The following IPO11 variants were observed in gnomAD, a reference collection of about 807,000 sequenced individuals.
IPO11 encodes the protein importin-11.
A neutral mutation model predicts 143.2 loss-of-function variants in IPO11; 66 were observed. The ratio of observed to expected loss-of-function variants is 0.46; its 90% confidence interval spans 0.38 to 0.57. The LOEUF (loss-of-function observed/expected upper bound fraction) is 0.57, where lower values mean the gene tolerates loss of function less well. IPO11 is among the 20% of genes least tolerant of loss of function. The pLI is 0.00. For missense variants in IPO11, 1,026 were observed against 1,141.0 expected (o/e 0.90, Z 1.45); for synonymous variants, 385 against 377.8 (o/e 1.02, Z -0.22).
intron 29 of IPO11, among the ~76,000 whole-genome samples, chr5:62,623,671 A>G (rs1359251879): frequency 3.0e-5 from 4 of 132,184 alleles, no homozygotes; most frequent in African/African-American, 1.2e-4. Flanking sequence ...TTTAAGACAG[A>G]GTTTTGCTCT....
intron 1 of IPO11, among the ~76,000 whole-genome samples, chr5:62,423,082 A>G: frequency 6.6e-6 from 1 of 152,172 alleles, no homozygotes; most frequent in Admixed American, 6.5e-5. Context: ...TGTTGGCTTG[A>G]TATGCTCCAT....
chr5:62,461,540 G>A (rs1414895488), intron 5 of IPO11, among the ~76,000 whole-genome samples: 2 of 152,212 alleles, frequency 1.3e-5, no homozygotes, highest in Non-Finnish European at 2.9e-5. Flanking sequence ...AGATAGTGCC[G>A]TTGCTTCTTC....
At chr5:62,515,550 A>G (rs748801073) in intron 20 of IPO11, 49 bp downstream of exon 20, 3 of 1,236,688 alleles carry the variant, frequency 2.4e-6, no homozygotes, top group South Asian at 3.2e-5. Context: ...TTTTTAAAAA[A>G]TTCTTTTAAC....
At chr5:62,466,297 G>T (rs1745572862) in intron 5 of IPO11, among the ~76,000 whole-genome samples, 1 of 152,060 alleles carries the variant, frequency 6.6e-6, no homozygotes, top group Admixed American at 6.5e-5. Flanking sequence ...ACTAACAAAT[G>T]GAAATTTGAT....
chr5:62,484,802 G>C (rs2112226443), intron 11 of IPO11, among the ~76,000 whole-genome samples: 2 of 151,240 alleles, frequency 1.3e-5, no homozygotes, highest in Middle Eastern at 6.9e-3. Context: ...GTGCCCAAAA[G>C]TTTTTGTAAT....
intron 18 of IPO11, among the ~76,000 whole-genome samples, chr5:62,505,694 G>T (rs1470349056): frequency 3.3e-5 from 5 of 151,962 alleles, no homozygotes. Flanking sequence ...GCCAGACATA[G>T]GGTATTTGTT....
At chr5:62,563,175 C>T (rs865778581) in intron 27 of IPO11, among the ~76,000 whole-genome samples, 5 of 152,116 alleles carry the variant, frequency 3.3e-5, no homozygotes, top group African/African-American at 1.2e-4. Flanking sequence ...CATTTTAACT[C>T]ATTGGTGTTT....
At position 62,628,042 on chromosome 5, in the gene IPO11, CTG is replaced by C. The variant is rs1381555462; in HGVS notation, c.*725_*726del. 6.6e-6 allele frequency: 1 copy of C among 151,808 alleles called. No homozygotes were observed. The highest frequency in any genetic ancestry group is 1.5e-5 in the Non-Finnish European group (1 of 67,978). The allele number at this position is 151,808 out of a possible 1,614,324, so 9.4% of individuals were successfully genotyped here. On this transcript the variant is annotated 3_prime_UTR_variant, in exon 30 of 30. Coordinates refer to ENST00000325324, the MANE Select transcript of IPO11 (RefSeq NM_016338.5). ...TACTGTAGTACCACGTGGGAGACCTCTGGTTATGGTTTAGTCCTAGTTCCTTT... is the reference window on the plus strand; with the variant it reads ...TACTGTAGTACCACGTGGGAGACCTCGTTATGGTTTAGTCCTAGTTCCTTT...
chr5:62,579,049 A>G, intron 27 of IPO11: 1 of 239,726 alleles, frequency 4.2e-6, no homozygotes, highest in South Asian at 4.8e-5. Context: ...CATAAATTAT[A>G]ATGTTATTTG....
At chr5:62,447,836 C>T (rs1472285543) in intron 3 of IPO11, among the ~76,000 whole-genome samples, 1 of 152,102 alleles carries the variant, frequency 6.6e-6, no homozygotes, top group African/African-American at 2.4e-5. Flanking sequence ...GTCCAACTCT[C>T]TTGGCCTCCC....
At chr5:62,461,412 C>G (rs2112180888) in intron 5 of IPO11, among the ~76,000 whole-genome samples, 1 of 152,216 alleles carries the variant, frequency 6.6e-6, no homozygotes, top group Non-Finnish European at 1.5e-5. Context: ...AGATTTCTTG[C>G]TAAAATTGGG....
chr5:62,617,091 G>T (rs1016628467), intron 29 of IPO11, among the ~76,000 whole-genome samples: 1 of 152,070 alleles, frequency 6.6e-6, no homozygotes, highest in African/African-American at 2.4e-5. Context: ...CATAAGATTT[G>T]CTCAGTGATC....
chr5:62,622,449 C>A (rs1233806357), intron 29 of IPO11, among the ~76,000 whole-genome samples: 1 of 152,148 alleles, frequency 6.6e-6, no homozygotes, highest in Non-Finnish European at 1.5e-5. Flanking sequence ...GAATGGCCTA[C>A]CCTGTACCTA....
intron 29 of IPO11, among the ~76,000 whole-genome samples, chr5:62,615,204 G>C (rs544419468): frequency 6.6e-6 from 1 of 152,216 alleles, no homozygotes; most frequent in East Asian, 1.9e-4. Flanking sequence ...TTGAGGGTGA[G>C]GCCTTTGCCA....
intron 20 of IPO11, among the ~76,000 whole-genome samples, chr5:62,516,302 T>C (rs957747605): frequency 4.6e-5 from 7 of 152,218 alleles, no homozygotes; most frequent in Non-Finnish European, 1.0e-4. Context: ...TCTTTTTTTT[T>C]TTCCTTTTTG....
intron 27 of IPO11, among the ~76,000 whole-genome samples, chr5:62,588,342 A>G (rs1744882250): frequency 6.6e-6 from 1 of 151,578 alleles, no homozygotes; most frequent in African/African-American, 2.4e-5. Flanking sequence ...TCATCTTTAT[A>G]TCTCAGCTGG....
chr5:62,464,761 T>C (rs1307541327), intron 5 of IPO11, among the ~76,000 whole-genome samples: 2 of 152,164 alleles, frequency 1.3e-5, no homozygotes, highest in Non-Finnish European at 2.9e-5. Context: ...GCATGAGCCA[T>C]CGCGCCTGGT....
chr5:62,544,361 T>C (rs1374675820), intron 24 of IPO11, among the ~76,000 whole-genome samples: 1 of 152,174 alleles, frequency 6.6e-6, no homozygotes, highest in Non-Finnish European at 1.5e-5. Flanking sequence ...ACCACATGAT[T>C]ATCTCAATAG....
At chr5:62,510,522 T>G (rs2112272364) in intron 19 of IPO11, among the ~76,000 whole-genome samples, 1 of 152,282 alleles carries the variant, frequency 6.6e-6, no homozygotes, top group Non-Finnish European at 1.5e-5. Context: ...ATTTCCTACA[T>G]TATCATAACC....
Sources: allele counts gnomAD v4.1 joint callset (sites outside exome capture counted in the v4.1 genomes callset), GRCh38; gene constraint gnomAD v4.1.1; transcripts MANE v1.5; gene names NCBI Gene and HGNC (gene_info 2026-07-23, HGNC 2026-07-21).